The following SIRPA variants were observed in gnomAD, a reference collection of about 807,000 sequenced individuals.
SIRPA encodes tyrosine-protein phosphatase non-receptor type substrate 1.
In SIRPA, 9 loss-of-function variants were observed where a neutral mutation model predicts 50.3. That is an observed-to-expected ratio of 0.18 (90% CI 0.11 to 0.31). The LOEUF is 0.31. Among genes scored for constraint, SIRPA ranks in the 10% least tolerant of loss-of-function variants. The probability of loss-of-function intolerance (pLI) is 1.00; values close to 1 mark genes in which losing one functional copy is unlikely to be tolerated. For synonymous variants in SIRPA, 265 were observed against 284.1 expected, an observed-to-expected ratio of 0.93 and a Z score of 0.68; for missense variants, 474 against 661.6, an observed-to-expected ratio of 0.72 and a Z score of 3.11.
At chr20:1,930,318 A>G (rs1441089153) in intron 6 of SIRPA, among the ~76,000 whole-genome samples, 1 of 152,254 alleles carries the variant, frequency 6.6e-6, no homozygotes, top group Admixed American at 6.5e-5. Flanking sequence ...CCATTTCATA[A>G]CCCACCCCTC....
At chr20:1,917,245 C>T (rs2123115474) in intron 2 of SIRPA, among the ~76,000 whole-genome samples, 1 of 152,202 alleles carries the variant, frequency 6.6e-6, no homozygotes, top group East Asian at 1.9e-4. Context: ...TTTCTTGCCC[C>T]CTTTACAGAT....
At chr20:1,914,535 A>C (rs1346699360) in intron 1 of SIRPA, among the ~76,000 whole-genome samples, 2 of 150,452 alleles carry the variant, frequency 1.3e-5, no homozygotes, top group African/African-American at 4.9e-5. Context: ...TGGGGACTCA[A>C]ACACACTGGC....
chr20:1,911,014 CATT>C (rs1423312311), intron 1 of SIRPA, among the ~76,000 whole-genome samples: 1 of 151,568 alleles, frequency 6.6e-6, no homozygotes, highest in Non-Finnish European at 1.5e-5. Context: ...TCTTTAATAT[CATT>C]GTTTTTTTCT....
intron 1 of SIRPA, among the ~76,000 whole-genome samples, chr20:1,903,415 A>G (rs1245101942): frequency 6.6e-6 from 1 of 152,250 alleles, no homozygotes; most frequent in Non-Finnish European, 1.5e-5. Context: ...TTTTATGTGC[A>G]GAACTAGGAT....
In SIRPA at chr20:1,932,689, CAAG is replaced by C. The variant is rs1986358911; in HGVS notation, c.1227-2025_1227-2023del. On this transcript the variant is annotated intron_variant, in intron 6 of 7. Transcript: ENST00000358771. This position sits in a 1 kb window ranked among gnomAD's most constrained non-coding sequence, Gnocchi z 6.0. ...GAAGCAGGAATAGAGGTGGGGAGAT[CAAG>C]GAGGAGGTTCTTCAGGAATCAGGGG... is the stretch of plus-strand genomic sequence containing the variant. Among the ~76,000 whole-genome samples, 1 of 151,980 alleles carries C rather than the reference CAAG, an allele frequency of 6.6e-6. No homozygotes were observed. The highest frequency in any genetic ancestry group is 1.5e-5 in the Non-Finnish European group (1 of 67,998).
At position 1,895,417 on chromosome 20, in the gene SIRPA, G is replaced by A. The variant is rs1384855178; in HGVS notation, c.-31G>A. ...CCCGCCCGAGCGCGCACTCACGGCC[G>A]CTCTCCCTCCTCGCTCCGCAGCCGC... On this transcript the variant is annotated 5_prime_UTR_variant, in exon 1 of 8. Transcript: ENST00000358771. The A allele has an allele frequency of 7.4e-7, 1 of 1,348,072 alleles. No homozygotes were observed. The highest frequency in any genetic ancestry group is 1.5e-5 in the African/African-American group (1 of 64,830). The allele number at this position is 1,348,072 out of a possible 1,614,324, so 83.5% of individuals were successfully genotyped here.
At chr20:1,923,293 T>C (rs34221765) in intron 4 of SIRPA, among the ~76,000 whole-genome samples, 2,783 of 152,376 alleles carry the variant, frequency 0.018, 40 homozygotes, top group Middle Eastern at 0.092. Context: ...TACATCTCTT[T>C]TGTTTTCAAA....
intron 7 of SIRPA, among the ~76,000 whole-genome samples, chr20:1,935,052 G>T (rs1029771001): frequency 6.6e-6 from 1 of 152,162 alleles, no homozygotes; most frequent in Non-Finnish European, 1.5e-5. Context: ...CCTTAGTGTG[G>T]ATCGTGCCTT....
Position 1,898,106 on chromosome 20 carries a change from C to T in SIRPA, c.79+2580C>T, listed in dbSNP as rs74635007. ...CTCCCATTCATTTCTTCTCTCTGGCCTGGAGGAGGCCAAGCCAAGTTGCAG... is the reference window on the plus strand; with the variant it reads ...CTCCCATTCATTTCTTCTCTCTGGCTTGGAGGAGGCCAAGCCAAGTTGCAG... On this transcript the variant is annotated intron_variant, in intron 1 of 7. Transcript: ENST00000358771. The surrounding 1 kb of genome is among the most constrained non-coding windows in gnomAD (Gnocchi z 4.3). 3.4e-3 allele frequency among the ~76,000 whole-genome samples: 519 copies of T among 152,360 alleles called. 2 individuals carry two copies. Among genetic ancestry groups the T allele is most frequent in the African/African-American group, 0.011 (473 of 41,584 alleles).
Position 1,916,219 on chromosome 20 carries a change from C to T in SIRPA, c.436+764C>T, listed in dbSNP as rs548748189. ...CCTCCGTTAAGGCAGCAAAGATGCTCATTTTGTATTTACTGCCAGAGCCCC... is the reference window on the plus strand; with the variant it reads ...CCTCCGTTAAGGCAGCAAAGATGCTTATTTTGTATTTACTGCCAGAGCCCC... On this transcript the variant is annotated intron_variant, in intron 2 of 7. Coordinates refer to ENST00000358771, the MANE Select transcript of SIRPA (RefSeq NM_001040023.2). Among the ~76,000 whole-genome samples, 7 of 152,286 alleles carry T rather than the reference C, an allele frequency of 4.6e-5. No homozygotes were observed. The East Asian group carries it at 9.7e-4, about 21-fold the overall frequency.
At chr20:1,914,479 C>A (rs113797117) in intron 1 of SIRPA, among the ~76,000 whole-genome samples, 61,081 of 150,566 alleles carry the variant, frequency 0.41, 12,685 homozygotes, top group East Asian at 0.66. Context: ...GCAGCTCTTG[C>A]ATTTGTGTGA....
At position 1,896,452 on chromosome 20, in the gene SIRPA, G is replaced by C. The variant is rs147930483; in HGVS notation, c.79+926G>C. Among the ~76,000 whole-genome samples the C allele has an allele frequency of 2.6e-3, 356 of 138,178 alleles. 1 individual carries two copies. Among genetic ancestry groups the C allele is most frequent in the African/African-American group, 8.7e-3 (334 of 38,516 alleles). The allele number at this position is 138,178 out of a possible 152,430, so 90.7% of individuals were successfully genotyped here. On this transcript the variant is annotated intron_variant, in intron 1 of 7. Coordinates refer to ENST00000358771, the MANE Select transcript of SIRPA (RefSeq NM_001040023.2). ...TGGGTCTCCTGGGAGGGCACCGGGT[G>C]GGGGGCGGGGGGAGCAGAGAAATGG... is the stretch of plus-strand genomic sequence containing the variant.
rs1986068500 is a variant in SIRPA at position 1,927,780 on chromosome 20, A to T, written c.1202-95A>T. On this transcript the variant is annotated intron_variant, in intron 5 of 7. Coordinates refer to ENST00000358771, the MANE Select transcript of SIRPA (RefSeq NM_001040023.2). This position sits in a 1 kb window ranked among gnomAD's most constrained non-coding sequence, Gnocchi z 6.5. The stretch of plus-strand genomic sequence containing the variant: ...GATGTGATTACAGCATTTCCTCTCC[A>T]TGTCCCTGGAGGCAAACCTTTTGCC... 1.9e-6 allele frequency: 2 copies of T among 1,080,756 alleles called. No individual in the cohort carries two copies. The highest frequency in any genetic ancestry group is 4.7e-5 in the East Asian group (2 of 42,422). 66.9% of individuals were successfully genotyped at this position (1,080,756 alleles called of 1,614,324 possible).
intron 1 of SIRPA, among the ~76,000 whole-genome samples, chr20:1,902,622 A>T (rs929106518): frequency 1.3e-5 from 2 of 152,212 alleles, no homozygotes; most frequent in African/African-American, 2.4e-5. Flanking sequence ...TAAACAAATG[A>T]TGCCAGGTAG....
At chr20:1,923,982 T>C (rs767766109) in intron 4 of SIRPA, among the ~76,000 whole-genome samples, 9 of 32,004 alleles carry the variant, frequency 2.8e-4, no homozygotes, top group Non-Finnish European at 2.1e-4. Context: ...GGTTGGCTGG[T>C]TGGTTGGTTG....
chr20:1,902,856 A>T (rs1276668509), intron 1 of SIRPA, among the ~76,000 whole-genome samples: 1 of 152,122 alleles, frequency 6.6e-6, no homozygotes, highest in African/African-American at 2.4e-5. Context: ...CACTAAAAAT[A>T]CAAAAATTAG....
intron 1 of SIRPA, among the ~76,000 whole-genome samples, chr20:1,913,937 A>G (rs1055091912): frequency 3.9e-5 from 6 of 151,918 alleles, no homozygotes; most frequent in Non-Finnish European, 7.4e-5. Flanking sequence ...AGTGTCTCTG[A>G]TTGGGGCTCA....
At chr20:1,923,245 G>A (rs575739433) in intron 4 of SIRPA, among the ~76,000 whole-genome samples, 1 of 152,360 alleles carries the variant, frequency 6.6e-6, no homozygotes, top group South Asian at 2.1e-4. Flanking sequence ...AGGGTGTCAA[G>A]GTATCATTTT....
Position 1,924,790 on chromosome 20 carries a change from A to T in SIRPA, c.1114A>T (p.Ile372Phe), listed in dbSNP as rs181742590. The change falls in exon 5 of 8, where the codon ATC becomes TTC. Residue 372 changes from isoleucine to phenylalanine, a missense_variant. Physicochemically the swap from Ile to Phe is conservative, Grantham distance 21. Coordinates refer to ENST00000358771, the MANE Select transcript of SIRPA (RefSeq NM_001040023.2). The surrounding 1 kb of genome is among the most constrained non-coding windows in gnomAD (Gnocchi z 4.5). ...AENTGSNERNIYIVVGVVCTL... is the reference protein window; with the variant it reads ...AENTGSNERNFYIVVGVVCTL... ...GAACACTGGATCTAATGAACGGAAC[A>T]TCTATATTGTGGTGGGTGTGGTGTG... The T allele has an allele frequency of 4.6e-5, 75 of 1,614,170 alleles. 1 individual carries two copies. The East Asian group carries it at 1.6e-3, about 35-fold the overall frequency.
Sources: allele counts gnomAD v4.1 joint callset (sites outside exome capture counted in the v4.1 genomes callset), GRCh38; gene constraint gnomAD v4.1.1; non-coding constraint Gnocchi (gnomAD v3.1); transcripts MANE v1.5; gene names NCBI Gene and HGNC (gene_info 2026-07-23, HGNC 2026-07-21).